Variants in DCC observed in about 807,000 individuals in gnomAD.
The protein encoded by DCC is netrin receptor DCC.
Under a neutral mutation model 172.5 loss-of-function variants are expected in DCC, and 58 were observed. That is an observed-to-expected ratio of 0.34 (90% CI 0.27 to 0.42). The LOEUF (loss-of-function observed/expected upper bound fraction) is 0.42. DCC is among the 10% of genes least tolerant of loss of function. DCC has a pLI of 1.00. For missense variants in DCC, 1,740 were observed against 1,791.0 expected (o/e 0.97, Z 0.51); for synonymous variants, 709 against 644.5 (o/e 1.10, Z -1.52).
intron 1 of DCC, among the ~76,000 whole-genome samples, chr18:52,659,845 A>G (rs1266165505): frequency 6.6e-6 from 1 of 152,052 alleles, no homozygotes; most frequent in Non-Finnish European, 1.5e-5. Context: ...GTGACCATGG[A>G]TAACAGGAGC....
At chr18:52,767,013 T>G (rs1478777107) in intron 2 of DCC, among the ~76,000 whole-genome samples, 1 of 151,826 alleles carries the variant, frequency 6.6e-6, no homozygotes. Flanking sequence ...TGAAGAAGGC[T>G]TTTTCTATGT....
chr18:52,933,584 A>T (rs543936303), intron 5 of DCC, among the ~76,000 whole-genome samples: 1 of 152,104 alleles, frequency 6.6e-6, no homozygotes, highest in African/African-American at 2.4e-5. Context: ...GGGAGAATCC[A>T]TATAGGTCTT....
At chr18:52,700,459 A>T (rs2036105142) in intron 1 of DCC, among the ~76,000 whole-genome samples, 1 of 152,062 alleles carries the variant, frequency 6.6e-6, no homozygotes, top group Admixed American at 6.5e-5. Context: ...GTCCAACTTA[A>T]TTTTTCCCTG....
chr18:53,086,273 TC>T lies in DCC; in HGVS notation c.1261+20109del, dbSNP rs2042894573. Among the ~76,000 whole-genome samples the T allele has an allele frequency of 6.4e-5, 3 of 46,722 alleles. 1 individual carries two copies. The highest frequency in any genetic ancestry group is 1.2e-4 in the Non-Finnish European group (3 of 25,846). The allele number at this position is 46,722 out of a possible 152,430, so 30.7% of individuals were successfully genotyped here. A position where few individuals can be genotyped will look rare whatever the true frequency, so the allele number is the denominator to read the frequency against. On this transcript the variant is annotated intron_variant, in intron 7 of 28. Transcript: ENST00000442544. ...CCTTTCTTCTTCTTCTTCTTCTTCTTCCTTTCTTCTTCTTCTTCTTCTTCCT... is the reference window on the plus strand; with the variant it reads ...CCTTTCTTCTTCTTCTTCTTCTTCTTCTTTCTTCTTCTTCTTCTTCTTCCT...
chr18:52,827,302 C>A (rs921542800), intron 2 of DCC, among the ~76,000 whole-genome samples: 4 of 152,180 alleles, frequency 2.6e-5, no homozygotes, highest in East Asian at 1.9e-4. Context: ...GTTAGAGAGC[C>A]TTTAATAGCT....
chr18:53,330,302 C>T (rs1303695727), intron 14 of DCC, among the ~76,000 whole-genome samples: 1 of 152,134 alleles, frequency 6.6e-6, no homozygotes, highest in African/African-American at 2.4e-5. Context: ...TACCAATAAT[C>T]ACTTGTCATC....
At chr18:52,495,030 T>C (rs747138481) in intron 1 of DCC, among the ~76,000 whole-genome samples, 3 of 152,120 alleles carry the variant, frequency 2.0e-5, no homozygotes, top group Non-Finnish European at 2.9e-5. Flanking sequence ...TATATTTCTC[T>C]CATTCACCTT....
chr18:53,450,280 C>A (rs950606602), intron 22 of DCC, among the ~76,000 whole-genome samples: 22 of 151,982 alleles, frequency 1.4e-4, no homozygotes, highest in Non-Finnish European at 2.5e-4. Context: ...CTACTATGAA[C>A]GTTTCTCTAT....
chr18:53,324,792 T>C (rs2057449439), intron 14 of DCC, among the ~76,000 whole-genome samples: 1 of 152,218 alleles, frequency 6.6e-6, no homozygotes, highest in Admixed American at 6.5e-5. Context: ...TACCTAAGAA[T>C]TAAGCTTCAA....
Position 52,498,853 on chromosome 18 carries a change from C to T in DCC, c.91+157975C>T, listed in dbSNP as rs181749762. Among the ~76,000 whole-genome samples the T allele has an allele frequency of 9.9e-5, 15 of 151,986 alleles. No individual in the cohort carries two copies. The East Asian group carries it at 2.7e-3, about 28-fold the overall frequency. ...CCACCAGATTTATAGGATTAGAGAC[C>T]CACTCTCATGACCTTATTTAACCTT... On this transcript the variant is annotated intron_variant, in intron 1 of 28. Coordinates refer to ENST00000442544, the MANE Select transcript of DCC (RefSeq NM_005215.4).
chr18:53,492,399 G>T (rs540724038), intron 26 of DCC, among the ~76,000 whole-genome samples: 14 of 152,236 alleles, frequency 9.2e-5, no homozygotes, highest in African/African-American at 3.4e-4. Flanking sequence ...GTCCTGAATG[G>T]TATTGCCTAG....
At chr18:53,122,854 T>C (rs2043502384) in intron 7 of DCC, among the ~76,000 whole-genome samples, 1 of 152,086 alleles carries the variant, frequency 6.6e-6, no homozygotes, top group South Asian at 2.1e-4. Context: ...TTCTGACCTT[T>C]AGCCTTCCAA....
At chr18:53,309,048 G>GT (rs911741256) in intron 13 of DCC, among the ~76,000 whole-genome samples, 3 of 151,570 alleles carry the variant, frequency 2.0e-5, no homozygotes, top group Middle Eastern at 3.2e-3. Context: ...TATTTGTTTT[G>GT]TTTTTTTGAG....
chr18:52,753,370 T>C (rs969094299), intron 2 of DCC, among the ~76,000 whole-genome samples: 3 of 152,194 alleles, frequency 2.0e-5, no homozygotes, highest in African/African-American at 7.2e-5. Flanking sequence ...CTGCGTAAAG[T>C]TATGAGATTA....
intron 1 of DCC, among the ~76,000 whole-genome samples, chr18:52,467,037 G>GT (rs140126474): frequency 6.0e-4 from 77 of 127,780 alleles, no homozygotes; most frequent in Admixed American, 1.1e-3. Flanking sequence ...TGTAAAAGTG[G>GT]TTTTTTTAAA....
chr18:52,596,141 C>G (rs2033905998), intron 1 of DCC, among the ~76,000 whole-genome samples: 1 of 152,210 alleles, frequency 6.6e-6, no homozygotes, highest in African/African-American at 2.4e-5. Context: ...GTACCAGTCT[C>G]TTGTTCACTT....
intron 15 of DCC, among the ~76,000 whole-genome samples, chr18:53,362,208 A>G (rs1035536201): frequency 2.0e-5 from 3 of 152,202 alleles, no homozygotes; most frequent in African/African-American, 4.8e-5. Flanking sequence ...TTTTGATCAC[A>G]ACTGTAGGAC....
chr18:52,494,805 G>A (rs981374498), intron 1 of DCC, among the ~76,000 whole-genome samples: 5 of 151,904 alleles, frequency 3.3e-5, no homozygotes, highest in African/African-American at 1.2e-4. Context: ...ATCTATTTGT[G>A]TTTGTGTTGT....
intron 28 of DCC, among the ~76,000 whole-genome samples, chr18:53,527,686 T>A (rs1055713670): frequency 2.0e-5 from 3 of 150,390 alleles, no homozygotes; most frequent in African/African-American, 7.3e-5. Flanking sequence ...GGGGAAAAAA[T>A]CAGAATTTTA....
Sources: allele counts gnomAD v4.1 joint callset (sites outside exome capture counted in the v4.1 genomes callset), GRCh38; gene constraint gnomAD v4.1.1; transcripts MANE v1.5; gene names NCBI Gene and HGNC (gene_info 2026-07-23, HGNC 2026-07-21).